MRC2: variants seen among roughly 807,000 people sequenced by gnomAD.
The protein encoded by MRC2 is C-type mannose receptor 2.
Under a neutral mutation model 206.2 loss-of-function variants are expected in MRC2, and 84 were observed. That is an observed-to-expected ratio of 0.41 (90% CI 0.34 to 0.49). The LOEUF is 0.49. Among genes scored for constraint, MRC2 ranks in the 20% least tolerant of loss-of-function variants. The pLI is 0.31. For synonymous variants in MRC2, 798 were observed against 800.0 expected, an observed-to-expected ratio of 1.00 and a Z score of 0.04; for missense variants, 1,676 against 2,001.5, an observed-to-expected ratio of 0.84 and a Z score of 3.10.
chr17:62,689,775 C>G lies in MRC2; in HGVS notation c.3573+15C>G, dbSNP rs1319667047. ...CTGGCGAGGAGGTGGGCTCCCGACA[C>G]TTTTGCCCTGGGCCCCAGCCTTGCC... is the stretch of plus-strand genomic sequence containing the variant. On this transcript the variant is annotated intron_variant, in intron 24 of 29. Transcript: ENST00000303375. 3.9e-6 allele frequency: 6 copies of G among 1,533,880 alleles called. No individual in the cohort carries two copies. Among genetic ancestry groups the G allele is most frequent in the Non-Finnish European group, 5.3e-6 (6 of 1,139,766 alleles).
Position 62,635,212 on chromosome 17 carries a change from T to C in MRC2, c.118+7292T>C, listed in dbSNP as rs996266689. On this transcript the variant is annotated intron_variant, in intron 1 of 29. Transcript: ENST00000303375. The stretch of plus-strand genomic sequence containing the variant: ...TTCTCTTTTTTTTTTTTTTTTTTTT[T>C]CAGAAATAGCCTCAATCAGAGGCAT... Among the ~76,000 whole-genome samples the C allele has an allele frequency of 9.2e-5, 12 of 130,134 alleles. No individual in the cohort carries two copies. In the East Asian group the frequency reaches 1.1e-3, roughly 12 times the overall value. The allele number at this position is 130,134 out of a possible 152,430, so 85.4% of individuals were successfully genotyped here. A position where few individuals can be genotyped will look rare whatever the true frequency, so the allele number is the denominator to read the frequency against.
At position 62,688,491 on chromosome 17, in the gene MRC2, G is replaced by C; in HGVS notation, c.3062-10G>C. ...CAGAGTCACTCACAACTGTCTTCTGGGGACCATAGCATTCATCACAGCCAG... is the reference window on the plus strand; with the variant it reads ...CAGAGTCACTCACAACTGTCTTCTGCGGACCATAGCATTCATCACAGCCAG... On this transcript the variant is annotated splice_polypyrimidine_tract_variant and intron_variant, in intron 21 of 29. Transcript: ENST00000303375. The C allele has an allele frequency of 2.5e-6, 4 of 1,614,152 alleles. No homozygotes were observed. The highest frequency in any genetic ancestry group is 2.5e-6 in the Non-Finnish European group (3 of 1,180,024).
intron 6 of MRC2, among the ~76,000 whole-genome samples, chr17:62,669,085 A>AACACACACACAC (rs72222842): frequency 9.8e-5 from 14 of 143,164 alleles, no homozygotes; most frequent in South Asian, 9.2e-4. Context: ...AAAATATGGC[A>AACACACACACAC]ACACACACAC....
Position 62,666,722 on chromosome 17 carries a change from G to A in MRC2, c.860-35G>A, listed in dbSNP as rs764179617. ...TGGGGAGCGGGGGAGGCTGGGGCTG[G>A]GGATCCCCTGTTCAGTGTCCCTCCT... On this transcript the variant is annotated intron_variant, in intron 4 of 29. Transcript: ENST00000303375. The surrounding 1 kb of genome is among the most constrained non-coding windows in gnomAD (Gnocchi z 5.0). 128 of 1,605,854 alleles carry A rather than the reference G, an allele frequency of 8.0e-5. 1 individual carries two copies. In the Middle Eastern group the frequency reaches 9.9e-4, roughly 12 times the overall value.
intron 2 of MRC2, 103 bp from the exon 3 acceptor site, chr17:62,665,991 A>C: frequency 2.4e-6 from 3 of 1,254,402 alleles, no homozygotes; most frequent in Non-Finnish European, 3.3e-6. Flanking sequence ...CCCTGTGAAC[A>C]CCCAGCACTC....
At chr17:62,661,512 T>TTTTC (rs138625277) in intron 1 of MRC2, 1 of 151,302 alleles carries the variant, frequency 6.6e-6, no homozygotes, top group Non-Finnish European at 1.5e-5. Context: ...CCTTTCTTTC[T>TTTTC]TTTCTTTCTT....
At chr17:62,687,275 C>T (rs2089043369) in intron 20 of MRC2, among the ~76,000 whole-genome samples, 1 of 152,214 alleles carries the variant, frequency 6.6e-6, no homozygotes, top group Non-Finnish European at 1.5e-5. Flanking sequence ...ATTCTCCTGC[C>T]TCAGCCTCCC....
At chr17:62,665,169 G>A (rs1300308315) in intron 2 of MRC2, among the ~76,000 whole-genome samples, 1 of 152,208 alleles carries the variant, frequency 6.6e-6, no homozygotes, top group Non-Finnish European at 1.5e-5. Context: ...GGAGGCCAAG[G>A]TGGGTGGATC....
chr17:62,691,418 G>A (rs138948613), intron 28 of MRC2, among the ~76,000 whole-genome samples: 67 of 152,332 alleles, frequency 4.4e-4, no homozygotes, highest in Non-Finnish European at 7.9e-4. Flanking sequence ...TCACTTATCA[G>A]TGGTGTGACC....
chr17:62,685,309 G>A (rs944293315), intron 20 of MRC2, among the ~76,000 whole-genome samples: 6 of 152,082 alleles, frequency 3.9e-5, no homozygotes, highest in Admixed American at 2.0e-4. Flanking sequence ...TCTCCTTCCT[G>A]CCTTTTTCCA....
At position 62,692,038 on chromosome 17, in the gene MRC2, C is replaced by T. The variant is rs2089117863; in HGVS notation, c.4193-74C>T. On this transcript the variant is annotated intron_variant, in intron 28 of 29. Transcript: ENST00000303375. The surrounding 1 kb of genome is among the most constrained non-coding windows in gnomAD (Gnocchi z 4.2). ...AGACCTCCCGGCCCAGGCCTGTGTG[C>T]TTTGTATGTTTACTTAAGTGATTAT... is the stretch of plus-strand genomic sequence containing the variant. The T allele has an allele frequency of 1.5e-5, 24 of 1,603,288 alleles. No homozygotes were observed. Among genetic ancestry groups the T allele is most frequent in the Non-Finnish European group, 2.0e-5 (23 of 1,171,022 alleles).
chr17:62,648,018 G>T (rs1051286874), intron 1 of MRC2, among the ~76,000 whole-genome samples: 1 of 152,194 alleles, frequency 6.6e-6, no homozygotes, highest in Non-Finnish European at 1.5e-5. Context: ...GAGGGGTCAA[G>T]TGACTCGCTC....
chr17:62,628,302 G>C (rs1568044166), intron 1 of MRC2, among the ~76,000 whole-genome samples: 1 of 152,160 alleles, frequency 6.6e-6, no homozygotes, highest in Non-Finnish European at 1.5e-5. Context: ...GGGAGCCAGG[G>C]CTCTCTGTCC....
At position 62,680,045 on chromosome 17, in the gene MRC2, G is replaced by C; in HGVS notation, c.2299-125G>C. The C allele has an allele frequency of 2.0e-6, 3 of 1,526,422 alleles. No homozygotes were observed. Among genetic ancestry groups the C allele is most frequent in the Admixed American group, 1.8e-5 (1 of 55,984 alleles). 94.6% of individuals were successfully genotyped at this position (1,526,422 alleles called of 1,614,324 possible). On this transcript the variant is annotated intron_variant, in intron 14 of 29. Coordinates refer to ENST00000303375, the MANE Select transcript of MRC2 (RefSeq NM_006039.5). The surrounding 1 kb of genome is among the most constrained non-coding windows in gnomAD (Gnocchi z 4.8). ...CGGCTTCAGGAAAGCAGGTCCGAGA[G>C]GGGTCACCCGGCCCCCGGTGAGAAT...
At chr17:62,649,377 G>A (rs2088527802) in intron 1 of MRC2, among the ~76,000 whole-genome samples, 1 of 152,212 alleles carries the variant, frequency 6.6e-6, no homozygotes, top group Non-Finnish European at 1.5e-5. Flanking sequence ...GATCACTTGA[G>A]GTCGGGAGTT....
Position 62,664,202 on chromosome 17 carries a change from G to A in MRC2, c.119-346G>A, listed in dbSNP as rs560301836. ...TCTCGATCTCCTGACCTCGTGATCC[G>A]CCCGCCTCGGCCTCCCAAAGTGCTG... is the stretch of plus-strand genomic sequence containing the variant. On this transcript the variant is annotated intron_variant, in intron 1 of 29. Transcript: ENST00000303375. This position sits in a 1 kb window ranked among gnomAD's most constrained non-coding sequence, Gnocchi z 4.7. Among the ~76,000 whole-genome samples, 4 of 151,818 alleles carry A rather than the reference G, an allele frequency of 2.6e-5. No homozygotes were observed. The highest frequency in any genetic ancestry group is 5.9e-5 in the Non-Finnish European group (4 of 67,940).
intron 1 of MRC2, among the ~76,000 whole-genome samples, chr17:62,643,465 G>T (rs2082605049): frequency 6.6e-6 from 1 of 152,090 alleles, no homozygotes; most frequent in South Asian, 2.1e-4. Context: ...ACCAGGGAGG[G>T]TTTCAAATAA....
intron 6 of MRC2, among the ~76,000 whole-genome samples, chr17:62,669,085 A>AAC (rs72222842): frequency 0.11 from 16,071 of 142,970 alleles, 983 homozygotes; most frequent in African/African-American, 0.19. Context: ...AAAATATGGC[A>AAC]ACACACACAC....
chr17:62,666,179 C>G lies in MRC2; in HGVS notation c.606C>G (p.Thr202=). The G allele has an allele frequency of 6.2e-7, 1 of 1,603,330 alleles. No homozygotes were observed. Among genetic ancestry groups the G allele is most frequent in the South Asian group, 1.1e-5 (1 of 89,254 alleles). ...ACAACCAGTGGTTCCACGGCTGCAC[C>G]AGCACGGGCCGCGAGGATGGTCACC... ...KYDNQWFHGC[T]STGREDGHLW... The change falls in exon 3 of 30, where the codon ACC becomes ACG. Residue 202 remains threonine (T), a synonymous_variant. Transcript: ENST00000303375. This position sits in a 1 kb window ranked among gnomAD's most constrained non-coding sequence, Gnocchi z 5.0.
Sources: gnomAD v4.1 joint callset for allele counts (sites outside exome capture counted in the v4.1 genomes callset) on GRCh38, gnomAD v4.1.1 for gene constraint, Gnocchi (gnomAD v3.1) non-coding constraint, MANE v1.5 for transcripts, NCBI Gene and HGNC (gene_info 2026-07-23, HGNC 2026-07-21) for gene names.